ADSL: variants seen among roughly 807,000 people sequenced by gnomAD.
The protein encoded by ADSL is adenylosuccinate lyase.
A neutral mutation model predicts 62.1 loss-of-function variants in ADSL; 44 were observed. The ratio of observed to expected loss-of-function variants is 0.71; its 90% confidence interval spans 0.56 to 0.91. ADSL has a LOEUF of 0.91. Ranked by LOEUF, ADSL falls within the 40% of genes least tolerant of loss-of-function variation. ADSL has a pLI of 0.00. For synonymous variants in ADSL, 198 were observed against 220.5 expected (o/e 0.90, Z 0.90); for missense variants, 531 against 627.4 (o/e 0.85, Z 1.64).
At chr22:40,357,783 T>TC (rs2044621227) in intron 4 of ADSL, among the ~76,000 whole-genome samples, 1 of 152,224 alleles carries the variant, frequency 6.6e-6, no homozygotes, top group Non-Finnish European at 1.5e-5. Context: ...TTCTTTTTTT[T>TC]CATTTGTTTT....
intron 6 of ADSL, among the ~76,000 whole-genome samples, chr22:40,359,818 A>G (rs1294309843): frequency 6.6e-6 from 1 of 152,224 alleles, no homozygotes; most frequent in Admixed American, 6.5e-5. Context: ...GGCATGAGCC[A>G]CCATGCCTGA....
At chr22:40,375,664 G>T (rs2046425391) in intron 2 of ADSL, among the ~76,000 whole-genome samples, 2 of 137,380 alleles carry the variant, frequency 1.5e-5, no homozygotes, top group African/African-American at 2.5e-5. Flanking sequence ...TTAAGACAGA[G>T]AATTTTTTTT....
chr22:40,377,166 A>G (rs1418406568), intron 2 of ADSL, among the ~76,000 whole-genome samples: 1 of 152,200 alleles, frequency 6.6e-6, no homozygotes, highest in Non-Finnish European at 1.5e-5. Flanking sequence ...TAACAGCTCA[A>G]TTTTGCTTTG....
rs1372215883 is a variant in ADSL at position 40,368,970 on chromosome 22, A to G, written c.*2448A>G. ...CTTGAAAGGATACTAAGTCTGACACAAGGAAATTAAGTCATGGGACTCTGA... is the reference window on the plus strand; with the variant it reads ...CTTGAAAGGATACTAAGTCTGACACGAGGAAATTAAGTCATGGGACTCTGA... On this transcript the variant is annotated 3_prime_UTR_variant, in exon 13 of 13. Coordinates refer to ENST00000623063, the MANE Select transcript of ADSL (RefSeq NM_000026.4). 1 of 152,176 alleles carries G rather than the reference A, an allele frequency of 6.6e-6. No homozygotes were observed. Among genetic ancestry groups the G allele is most frequent in the Non-Finnish European group, 1.5e-5 (1 of 68,036 alleles). The allele number at this position is 152,176 out of a possible 1,614,324, so 9.4% of individuals were successfully genotyped here. A position where few individuals can be genotyped will look rare whatever the true frequency, so the allele number is the denominator to read the frequency against.
chr22:40,379,861 C>A (rs2047272944), intron 2 of ADSL, among the ~76,000 whole-genome samples: 1 of 152,070 alleles, frequency 6.6e-6, no homozygotes, highest in Non-Finnish European at 1.5e-5. Context: ...AGATTTGCAC[C>A]ACCACGCCCA....
intron 2 of ADSL, among the ~76,000 whole-genome samples, chr22:40,385,961 C>T (rs2048352879): frequency 6.6e-6 from 1 of 152,152 alleles, no homozygotes; most frequent in African/African-American, 2.4e-5. Context: ...AGGCGATTCT[C>T]CTATCTCAAC....
chr22:40,361,482 G>T lies in ADSL; in HGVS notation c.863-6G>T. ...TTTGCATCTTGTCCTTTTTTTACAT[G>T]GGCAGGCTCAAGTGCGATGCCATAT... On this transcript the variant is annotated splice_region_variant and splice_polypyrimidine_tract_variant and intron_variant, in intron 8 of 12. Transcript: ENST00000623063. 6.2e-7 allele frequency: 1 copy of T among 1,614,130 alleles called. No individual in the cohort carries two copies. Among genetic ancestry groups the T allele is most frequent in the Non-Finnish European group, 8.5e-7 (1 of 1,180,038 alleles).
intron 2 of ADSL, among the ~76,000 whole-genome samples, chr22:40,377,072 A>T (rs17001866): frequency 0.014 from 2,149 of 152,308 alleles, 38 homozygotes; most frequent in African/African-American, 0.048. Flanking sequence ...ATCATGTGGA[A>T]TTTGAAGCAT....
At chr22:40,356,717 CCTG>C (rs2044574082) in intron 4 of ADSL, among the ~76,000 whole-genome samples, 1 of 151,674 alleles carries the variant, frequency 6.6e-6, no homozygotes, top group Non-Finnish European at 1.5e-5. Flanking sequence ...GTGGCTTGTG[CCTG>C]TAGTTCCAGC....
chr22:40,370,252 A>C (rs936443030), downstream of ADSL, among the ~76,000 whole-genome samples: 7 of 150,202 alleles, frequency 4.7e-5, no homozygotes, highest in African/African-American at 1.7e-4. Flanking sequence ...GCTACTCGGG[A>C]GGCTGAGGCA....
At chr22:40,355,843 A>G (rs2146643484) in intron 4 of ADSL, among the ~76,000 whole-genome samples, 1 of 152,248 alleles carries the variant, frequency 6.6e-6, no homozygotes, top group African/African-American at 2.4e-5. Context: ...CAGTGTCATT[A>G]GCCTAAGAGG....
chr22:40,371,206 G>A (rs2045396777), downstream of ADSL, among the ~76,000 whole-genome samples: 1 of 152,256 alleles, frequency 6.6e-6, no homozygotes, highest in African/African-American at 2.4e-5. Context: ...GGGGGAAACT[G>A]AGGCATACGT....
chr22:40,371,290 C>G (rs1455419699), downstream of ADSL, among the ~76,000 whole-genome samples: 1 of 152,190 alleles, frequency 6.6e-6, no homozygotes, highest in Non-Finnish European at 1.5e-5. Flanking sequence ...CTGACCTAGG[C>G]TCTTTTTTAT....
intron 2 of ADSL, among the ~76,000 whole-genome samples, chr22:40,352,467 G>A (rs1032511922): frequency 5.5e-4 from 83 of 152,104 alleles, no homozygotes; most frequent in African/African-American, 1.9e-3. Context: ...GGTGGAGCTC[G>A]CAGTGAGCTG....
chr22:40,382,312 T>A (rs574187933), intron 2 of ADSL, among the ~76,000 whole-genome samples: 19 of 152,324 alleles, frequency 1.2e-4, no homozygotes, highest in African/African-American at 4.6e-4. Context: ...AATCATTTTA[T>A]TACTATCTCT....
At position 40,354,267 on chromosome 22, in the gene ADSL, G is replaced by C. The variant is rs563054392; in HGVS notation, c.422G>C (p.Arg141Pro). ...TTGTAGCTTGCCAGAGTGATCTCTC[G>C]GCTTGCCGACTTTGCTAAGGAACGA... ...LLPKLARVIS[R>P]LADFAKERAS... The change falls in exon 4 of 13, where the codon CGG becomes CCG. Residue 141 changes from arginine (R) to proline (P), a missense_variant. Arg to Pro is a moderately radical substitution (Grantham distance 103). Around this residue, in one of 2 missense-constraint regions of ADSL, gnomAD observed 471 missense variants for 592.9 expected, o/e 0.79. Transcript: ENST00000623063. The C allele has an allele frequency of 2.5e-6, 4 of 1,614,042 alleles. No homozygotes were observed. Among genetic ancestry groups the C allele is most frequent in the East Asian group, 2.2e-5 (1 of 44,878 alleles).
intron 3 of ADSL, chr22:40,353,982 T>TG: frequency 1.9e-6 from 1 of 530,888 alleles, no homozygotes; most frequent in Admixed American, 3.2e-5. Context: ...CTGGGATATG[T>TG]GGGTCAGGAT....
intron 2 of ADSL, chr22:40,378,195 T>A (rs1474985794): frequency 1.3e-5 from 2 of 151,440 alleles, no homozygotes; most frequent in Admixed American, 6.6e-5. Flanking sequence ...TTTGGGAGGC[T>A]GAGGCAGGAT....
At chr22:40,363,240 T>C (rs2044863037) in intron 10 of ADSL, 169 bp downstream of exon 10, 3 of 674,964 alleles carry the variant, frequency 4.4e-6, no homozygotes, top group South Asian at 1.6e-5. Flanking sequence ...GTGGAATTCA[T>C]AGACACATTA....
Sources: allele counts gnomAD v4.1 joint callset (sites outside exome capture counted in the v4.1 genomes callset), GRCh38; gene constraint gnomAD v4.1.1; regional missense constraint gnomAD v4.1.1; transcripts MANE v1.5; gene names NCBI Gene and HGNC (gene_info 2026-07-23, HGNC 2026-07-21).